The following GLIPR2 variants were observed in gnomAD, a reference collection of about 807,000 sequenced individuals.
The protein encoded by GLIPR2 is Golgi-associated plant pathogenesis-related protein 1.
In GLIPR2, 21 loss-of-function variants were observed where a neutral mutation model predicts 20.4. That is an observed-to-expected ratio of 1.03 (90% CI 0.73 to 1.48). The LOEUF is 1.48. Among genes scored for constraint, GLIPR2 ranks in the 40% most tolerant of loss-of-function variants. The pLI is 0.00. For synonymous variants in GLIPR2, 91 were observed against 80.5 expected, an observed-to-expected ratio of 1.13 and a Z score of -0.70; for missense variants, 205 against 200.1, an observed-to-expected ratio of 1.02 and a Z score of -0.15.
At chr9:36,136,714 G>T, upstream of GLIPR2, 3 of 1,124,656 alleles carry the variant, frequency 2.7e-6, no homozygotes, top group Non-Finnish European at 3.4e-6. The surrounding 1 kb of genome is among the most constrained non-coding windows in gnomAD (Gnocchi z 4.3). Flanking sequence ...GCTCTGGGGC[G>T]GCGCTGGGCC....
chr9:36,151,698 G>A (rs1365550740), intron 4 of GLIPR2, among the ~76,000 whole-genome samples: 1 of 152,116 alleles, frequency 6.6e-6, no homozygotes, highest in Non-Finnish European at 1.5e-5. Flanking sequence ...CCTTCTCAAA[G>A]GCTTCCCTTG....
rs1298596380 is a variant in GLIPR2 at position 36,162,768 on chromosome 9, AG to A, written c.*252del. 1.9e-6 allele frequency: 1 copy of A among 536,496 alleles called. No individual in the cohort carries two copies. Among genetic ancestry groups the A allele is most frequent in the Admixed American group, 3.2e-5 (1 of 30,946 alleles). 33.2% of individuals were successfully genotyped at this position (536,496 alleles called of 1,614,324 possible). The stretch of plus-strand genomic sequence containing the variant: ...GACCACGATTATTTGGATTGGGGGG[AG>A]GGGGGATCCGTTTTTTTTTTTTAAT... On this transcript the variant is annotated 3_prime_UTR_variant, in exon 5 of 5. Transcript: ENST00000377960.
rs557962904 is a variant in GLIPR2, at chr9:36,151,652, C to T, written c.304+703C>T. On this transcript the variant is annotated intron_variant, in intron 4 of 4. Coordinates refer to ENST00000377960, the MANE Select transcript of GLIPR2 (RefSeq NM_022343.4). Reference sequence around the variant, plus strand: ...AGGGATATCCTGAGAGCCGGTGACTCAAGTGCAGGGAGGAACCTTCTGTGG... The same window carrying T: ...AGGGATATCCTGAGAGCCGGTGACTTAAGTGCAGGGAGGAACCTTCTGTGG... Among the ~76,000 whole-genome samples, 225 of 152,234 alleles carry T rather than the reference C, an allele frequency of 1.5e-3. 1 individual carries two copies. The highest frequency in any genetic ancestry group is 5.4e-3 in the African/African-American group (223 of 41,544).
chr9:36,153,808 C>A (rs1164031503), intron 4 of GLIPR2, among the ~76,000 whole-genome samples: 1 of 151,838 alleles, frequency 6.6e-6, no homozygotes, highest in African/African-American at 2.4e-5. Flanking sequence ...TGCTAAGACA[C>A]AAGAACTGCT....
chr9:36,149,037 T>A (rs1825468398), intron 3 of GLIPR2, among the ~76,000 whole-genome samples: 1 of 152,248 alleles, frequency 6.6e-6, no homozygotes, highest in Non-Finnish European at 1.5e-5. Flanking sequence ...CGAGAAATTT[T>A]ACTTTCTTAC....
At chr9:36,143,181 C>T (rs1825163952) in intron 1 of GLIPR2, among the ~76,000 whole-genome samples, 1 of 152,182 alleles carries the variant, frequency 6.6e-6, no homozygotes, top group South Asian at 2.1e-4. Context: ...CTATGGGATC[C>T]AGTGCAAACT....
At chr9:36,159,965 A>AAAAT (rs1012722631) in intron 4 of GLIPR2, among the ~76,000 whole-genome samples, 15 of 152,302 alleles carry the variant, frequency 9.8e-5, no homozygotes, top group Middle Eastern at 3.4e-3. Context: ...CTCCGTCTCA[A>AAAAT]AAATAAATAA....
chr9:36,139,046 G>C (rs561138670), intron 1 of GLIPR2, among the ~76,000 whole-genome samples: 3 of 152,096 alleles, frequency 2.0e-5, no homozygotes, highest in Non-Finnish European at 2.9e-5. Flanking sequence ...AACAGGAGAT[G>C]ACAGAGGCAT....
rs74585754 is a variant in GLIPR2 at position 36,163,074 on chromosome 9, G to A, written c.*552G>A. 16 of 332,970 alleles carry A rather than the reference G, an allele frequency of 4.8e-5. No homozygotes were observed. Among genetic ancestry groups the A allele is most frequent in the Admixed American group, 1.8e-4 (4 of 22,466 alleles). The allele number at this position is 332,970 out of a possible 1,614,324, so 20.6% of individuals were successfully genotyped here. A position where few individuals can be genotyped will look rare whatever the true frequency, so the allele number is the denominator to read the frequency against. On this transcript the variant is annotated 3_prime_UTR_variant, in exon 5 of 5. Coordinates refer to ENST00000377960, the MANE Select transcript of GLIPR2 (RefSeq NM_022343.4). ...TTTACAGAATTACTGAGATTTCTCA[G>A]TTGTAAAACATGATGTCATCCTGCA...
At chr9:36,151,575 T>C (rs1825588454) in intron 4 of GLIPR2, among the ~76,000 whole-genome samples, 1 of 152,184 alleles carries the variant, frequency 6.6e-6, no homozygotes. Flanking sequence ...TGTGTGGACT[T>C]GAGTCAATTC....
At chr9:36,152,664 C>A (rs533580648) in intron 4 of GLIPR2, among the ~76,000 whole-genome samples, 2 of 145,234 alleles carry the variant, frequency 1.4e-5, no homozygotes, top group East Asian at 2.1e-4. Flanking sequence ...GCAGGAGAAT[C>A]ACTTGAACCC....
intron 4 of GLIPR2, among the ~76,000 whole-genome samples, chr9:36,157,683 AACACACACAC>A (rs567476723): frequency 5.5e-5 from 8 of 146,338 alleles, no homozygotes; most frequent in East Asian, 2.0e-4. Flanking sequence ...ATATCTGTTA[AACACACACAC>A]ACACACACAC....
chr9:36,162,995 C>A lies in GLIPR2; in HGVS notation c.*473C>A, dbSNP rs184118012. ...ATGTGACATAAAATACAGCTTTAAG[C>A]ACATAAATACAAAGCAGCTTCCATC... On this transcript the variant is annotated 3_prime_UTR_variant, in exon 5 of 5. Coordinates refer to ENST00000377960, the MANE Select transcript of GLIPR2 (RefSeq NM_022343.4). 5 of 434,064 alleles carry A rather than the reference C, an allele frequency of 1.2e-5. No homozygotes were observed. Among genetic ancestry groups the A allele is most frequent in the South Asian group, 8.3e-5 (5 of 60,236 alleles). 26.9% of individuals were successfully genotyped at this position (434,064 alleles called of 1,614,324 possible). A position where few individuals can be genotyped will look rare whatever the true frequency, so the allele number is the denominator to read the frequency against.
At chr9:36,147,355 G>A (rs1018815327) in intron 1 of GLIPR2, among the ~76,000 whole-genome samples, 4 of 152,170 alleles carry the variant, frequency 2.6e-5, no homozygotes, top group South Asian at 2.1e-4. Context: ...TGAGATACCC[G>A]GTCTCCTTCA....
intron 4 of GLIPR2, among the ~76,000 whole-genome samples, chr9:36,161,261 C>T (rs1322990471): frequency 6.6e-6 from 1 of 151,918 alleles, no homozygotes; most frequent in African/African-American, 2.4e-5. Context: ...GATGCAGACT[C>T]CCCCTGGCAG....
intron 4 of GLIPR2, among the ~76,000 whole-genome samples, chr9:36,153,398 A>G (rs1825690027): frequency 6.6e-6 from 1 of 152,158 alleles, no homozygotes. Context: ...CCAGATACCA[A>G]CAGGCAGTGC....
intron 1 of GLIPR2, among the ~76,000 whole-genome samples, chr9:36,138,690 C>T (rs979330307): frequency 6.6e-6 from 1 of 152,172 alleles, no homozygotes; most frequent in African/African-American, 2.4e-5. Flanking sequence ...CGTGCATCCA[C>T]TTGGATTGTG....
chr9:36,148,229 CAG>C (rs1485364326), intron 2 of GLIPR2, among the ~76,000 whole-genome samples: 3 of 150,574 alleles, frequency 2.0e-5, no homozygotes, highest in African/African-American at 7.4e-5. Flanking sequence ...GCCTGGGTGA[CAG>C]AGTGAGACAA....
chr9:36,141,761 C>A, intron 1 of GLIPR2: 2 of 448,660 alleles, frequency 4.5e-6, no homozygotes, highest in South Asian at 3.1e-5. Flanking sequence ...TCAAGCGATC[C>A]TCCCATCTCA....
Sources: allele counts gnomAD v4.1 joint callset (sites outside exome capture counted in the v4.1 genomes callset), GRCh38; gene constraint gnomAD v4.1.1; non-coding constraint Gnocchi (gnomAD v3.1); transcripts MANE v1.5; gene names NCBI Gene and HGNC (gene_info 2026-07-23, HGNC 2026-07-21).